ENOX1: variants seen among roughly 807,000 people sequenced by gnomAD.
ENOX1 encodes the protein ecto-NOX disulfide-thiol exchanger 1.
ENOX1 carries 42 observed loss-of-function variants against 82.5 expected under a neutral mutation model. The observed-to-expected ratio is 0.51, with a 90% CI of 0.40 to 0.66. The LOEUF (loss-of-function observed/expected upper bound fraction) is 0.66, where lower values mean the gene tolerates loss of function less well. ENOX1 is among the 30% of genes least tolerant of loss of function. ENOX1 has a pLI of 0.00. For missense variants in ENOX1, 608 were observed against 811.6 expected, an observed-to-expected ratio of 0.75 and a Z score of 3.05; for synonymous variants, 271 against 282.2, an observed-to-expected ratio of 0.96 and a Z score of 0.40.
At chr13:43,324,824 G>A (rs1353519816) in intron 10 of ENOX1, among the ~76,000 whole-genome samples, 1 of 152,126 alleles carries the variant, frequency 6.6e-6, no homozygotes, top group African/African-American at 2.4e-5. Flanking sequence ...AGGGTTAAGC[G>A]AAGGTGAGAA....
At chr13:43,292,516 AG>A (rs2046053693) in intron 12 of ENOX1, among the ~76,000 whole-genome samples, 1 of 152,158 alleles carries the variant, frequency 6.6e-6, no homozygotes, top group Non-Finnish European at 1.5e-5. Flanking sequence ...TCCTGCCTGC[AG>A]CCCTGCATTT....
chr13:43,711,411 T>A (rs923995147), intron 1 of ENOX1, among the ~76,000 whole-genome samples: 1 of 152,188 alleles, frequency 6.6e-6, no homozygotes, highest in Non-Finnish European at 1.5e-5. Context: ...AGCAGCAAGA[T>A]GTATAATCCT....
intron 1 of ENOX1, among the ~76,000 whole-genome samples, chr13:43,734,639 C>A (rs188272959): frequency 1.6e-3 from 237 of 152,288 alleles, no homozygotes; most frequent in African/African-American, 5.0e-3. Flanking sequence ...TCAAAAACTT[C>A]ATGCTTCAAC....
At chr13:43,345,007 G>T (rs1436626980) in intron 8 of ENOX1, among the ~76,000 whole-genome samples, 1 of 152,192 alleles carries the variant, frequency 6.6e-6, no homozygotes, top group Admixed American at 6.5e-5. Flanking sequence ...TAGGAGATTT[G>T]TTCTGGGCAT....
chr13:43,500,898 C>A (rs181294193), intron 2 of ENOX1, among the ~76,000 whole-genome samples: 5 of 151,636 alleles, frequency 3.3e-5, no homozygotes, highest in East Asian at 1.9e-4. Flanking sequence ...TTTATGTACA[C>A]CTCATGGTAA....
chr13:43,379,249 T>C (rs776120981), intron 5 of ENOX1, among the ~76,000 whole-genome samples: 2 of 152,074 alleles, frequency 1.3e-5, no homozygotes, highest in South Asian at 2.1e-4. Context: ...CTACCTGTTA[T>C]AGCAATAGTA....
At chr13:43,261,305 G>A (rs752503863) in intron 14 of ENOX1, among the ~76,000 whole-genome samples, 10 of 152,262 alleles carry the variant, frequency 6.6e-5, no homozygotes, top group Non-Finnish European at 1.0e-4. Flanking sequence ...CCTTCAGGAC[G>A]ACTAATAGAT....
chr13:43,710,738 T>G (rs529939928), intron 1 of ENOX1, among the ~76,000 whole-genome samples: 1 of 152,066 alleles, frequency 6.6e-6, no homozygotes, highest in Admixed American at 6.5e-5. Flanking sequence ...AATACAAAAG[T>G]AGAAAAATAA....
At chr13:43,235,008 G>C (rs2042461440) in intron 15 of ENOX1, among the ~76,000 whole-genome samples, 1 of 152,166 alleles carries the variant, frequency 6.6e-6, no homozygotes, top group Admixed American at 6.5e-5. Flanking sequence ...AGAGGGAAAA[G>C]TTTACTGCAG....
chr13:43,756,513 A>C, intron 1 of ENOX1, among the ~76,000 whole-genome samples: 1 of 68,960 alleles, frequency 1.5e-5, no homozygotes, highest in African/African-American at 5.7e-5. Flanking sequence ...GAGGGAAAGG[A>C]GAGGGGAGGG....
intron 5 of ENOX1, among the ~76,000 whole-genome samples, chr13:43,376,163 A>T (rs2051620989): frequency 6.6e-6 from 1 of 152,224 alleles, no homozygotes; most frequent in South Asian, 2.1e-4. Context: ...TTTTTCAAAT[A>T]CATTTGGTCA....
rs545673352 is a variant in ENOX1, at chr13:43,374,651, T to C, written c.209-13199A>G. ...TTTCATTCTTATTCACAGAAGCATC[T>C]AGTTTTGAATTGTTACTATGCTTTT... is the stretch of plus-strand genomic sequence containing the variant. On this transcript the variant is annotated intron_variant, in intron 5 of 16. Transcript: ENST00000690772. Among the ~76,000 whole-genome samples, 9 of 152,382 alleles carry C rather than the reference T, an allele frequency of 5.9e-5. No individual in the cohort carries two copies. The East Asian group carries it at 9.6e-4, about 16-fold the overall frequency.
At chr13:43,296,752 T>C (rs540700935) in intron 12 of ENOX1, among the ~76,000 whole-genome samples, 1 of 152,298 alleles carries the variant, frequency 6.6e-6, no homozygotes, top group African/African-American at 2.4e-5. Context: ...CTCTGACTTC[T>C]TTTAGGTTTG....
At chr13:43,678,560 C>G (rs1204849492) in intron 1 of ENOX1, among the ~76,000 whole-genome samples, 1 of 152,188 alleles carries the variant, frequency 6.6e-6, no homozygotes, top group Non-Finnish European at 1.5e-5. Context: ...CCACTTCCAT[C>G]AGGCACAATG....
At chr13:43,756,886 G>C (rs1328285675) in intron 1 of ENOX1, among the ~76,000 whole-genome samples, 4 of 150,556 alleles carry the variant, frequency 2.7e-5, no homozygotes, top group Non-Finnish European at 4.4e-5. Context: ...TACTTGGGAG[G>C]CTGAGGTAAG....
intron 1 of ENOX1, among the ~76,000 whole-genome samples, chr13:43,679,299 C>T (rs1473980435): frequency 1.3e-5 from 2 of 152,146 alleles, no homozygotes; most frequent in African/African-American, 2.4e-5. Flanking sequence ...TGGTCAGCAG[C>T]ATGAGACACT....
chr13:43,491,137 C>T (rs1273808603), intron 2 of ENOX1, among the ~76,000 whole-genome samples: 1 of 152,128 alleles, frequency 6.6e-6, no homozygotes, highest in Non-Finnish European at 1.5e-5. Context: ...CAAATGGGAG[C>T]AGGTCCATCA....
chr13:43,507,580 G>T (rs932603419), intron 2 of ENOX1, among the ~76,000 whole-genome samples: 8 of 151,988 alleles, frequency 5.3e-5, no homozygotes, highest in African/African-American at 1.9e-4. Context: ...GTCACTTTCA[G>T]ATATACAAAG....
Position 43,484,171 on chromosome 13 carries a change from A to T in ENOX1, c.-218-19T>A. On this transcript the variant is annotated intron_variant, in intron 2 of 16. Transcript: ENST00000690772. ...GAGGCTTCTGGAAGCAAAGAAAAGCACACCGTTAGGATATGTCTAAAGTAC... is the reference window on the plus strand; with the variant it reads ...GAGGCTTCTGGAAGCAAAGAAAAGCTCACCGTTAGGATATGTCTAAAGTAC... 1.0e-6 allele frequency: 1 copy of T among 985,178 alleles called. No homozygotes were observed. The highest frequency in any genetic ancestry group is 5.2e-4 in the Middle Eastern group (1 of 1,914). The allele number at this position is 985,178 out of a possible 1,614,324, so 61.0% of individuals were successfully genotyped here.
Sources: allele counts gnomAD v4.1 joint callset (sites outside exome capture counted in the v4.1 genomes callset), GRCh38; gene constraint gnomAD v4.1.1; transcripts MANE v1.5; gene names NCBI Gene and HGNC (gene_info 2026-07-23, HGNC 2026-07-21).